The following AP3M1 variants were observed in gnomAD, a reference collection of about 807,000 sequenced individuals.
The protein encoded by AP3M1 is AP-3 complex subunit mu-1.
AP3M1 carries 29 observed loss-of-function variants against 42.6 expected under a neutral mutation model. The ratio of observed to expected loss-of-function variants is 0.68; its 90% CI spans 0.51 to 0.93. The LOEUF is 0.93. Among genes scored for constraint, AP3M1 ranks in the 40% least tolerant of loss-of-function variants. The pLI is 0.00. For synonymous variants in AP3M1, 178 were observed against 175.3 expected (o/e 1.02, Z -0.12); for missense variants, 416 against 510.2 (o/e 0.82, Z 1.78).
chr10:74,133,948 C>A lies in AP3M1; in HGVS notation c.583+79G>T, dbSNP rs1438041598. 1.7e-5 allele frequency: 26 copies of A among 1,558,992 alleles called. No homozygotes were observed. In the East Asian group the frequency reaches 5.5e-4, roughly 33 times the overall value. On this transcript the variant is annotated intron_variant, in intron 4 of 8. Coordinates refer to ENST00000355264, the MANE Select transcript of AP3M1 (RefSeq NM_012095.6). ...GATTACAGGCGTGAGCCACCGCGCC[C>A]GGCCAGGACTTCAGTTTTCTATTCA...
chr10:74,139,691 G>C (rs1224294446), intron 1 of AP3M1, among the ~76,000 whole-genome samples: 1 of 151,842 alleles, frequency 6.6e-6, no homozygotes, highest in Non-Finnish European at 1.5e-5. Flanking sequence ...GCCGAGGTGG[G>C]TGGATCACGA....
At chr10:74,139,317 A>G (rs1841052419) in intron 1 of AP3M1, among the ~76,000 whole-genome samples, 1 of 152,138 alleles carries the variant, frequency 6.6e-6, no homozygotes, top group South Asian at 2.1e-4. Context: ...CTATAGCTAT[A>G]AAATACTAAA....
chr10:74,139,713 C>T (rs1357811630), intron 1 of AP3M1, among the ~76,000 whole-genome samples: 5 of 151,554 alleles, frequency 3.3e-5, no homozygotes, highest in Non-Finnish European at 4.4e-5. Flanking sequence ...GTCAGGAGAT[C>T]GAGACCATCC....
rs779298609 is a variant in AP3M1, at chr10:74,138,385, G to A, written c.-3-3C>T. On this transcript the variant is annotated splice_region_variant and splice_polypyrimidine_tract_variant and intron_variant, in intron 1 of 8. Transcript: ENST00000355264. ...AGAAATAGACTGTGGATCATTTTCT[G>A]TTGGGGCAAAGAAAGGTTTAAATTT... 5.0e-6 allele frequency: 8 copies of A among 1,606,524 alleles called. No homozygotes were observed. In the South Asian group the frequency reaches 7.8e-5, roughly 16 times the overall value.
intron 1 of AP3M1, among the ~76,000 whole-genome samples, chr10:74,144,611 A>G (rs1000725066): frequency 1.3e-5 from 2 of 151,326 alleles, no homozygotes; most frequent in African/African-American, 4.9e-5. Flanking sequence ...ATAACCATAT[A>G]TGGTTAGTAG....
At chr10:74,133,725 T>C (rs986512121) in intron 4 of AP3M1, among the ~76,000 whole-genome samples, 1 of 151,290 alleles carries the variant, frequency 6.6e-6, no homozygotes, top group South Asian at 2.1e-4. Context: ...CATGATCTTG[T>C]CTCATTGCAA....
intron 1 of AP3M1, 32 bp from the exon 2 acceptor site, chr10:74,138,414 A>T: frequency 6.4e-7 from 1 of 1,561,216 alleles, no homozygotes; most frequent in Non-Finnish European, 8.7e-7. Context: ...TAAATTTATT[A>T]TACATTAAAT....
In AP3M1 at chr10:74,129,104, A is replaced by G. The variant is rs780501600; in HGVS notation, c.803+4T>C. On this transcript the variant is annotated splice_donor_region_variant and intron_variant, in intron 6 of 8. Coordinates refer to ENST00000355264, the MANE Select transcript of AP3M1 (RefSeq NM_012095.6). ...GGCAGATTCTGGCTGATGCATCAAC[A>G]TACTTTTGTGAGCTGACACGGTATG... 1.6e-4 allele frequency: 263 copies of G among 1,613,870 alleles called. No homozygotes were observed. Among genetic ancestry groups the G allele is most frequent in the South Asian group, 3.0e-4 (27 of 91,034 alleles).
chr10:74,129,553 T>C (rs183064599), intron 5 of AP3M1, among the ~76,000 whole-genome samples: 39 of 152,354 alleles, frequency 2.6e-4, no homozygotes, highest in African/African-American at 9.4e-4. Context: ...GTCAGTTCTC[T>C]TAATTGTTCC....
intron 1 of AP3M1, among the ~76,000 whole-genome samples, chr10:74,143,837 G>A (rs1160457753): frequency 6.6e-6 from 1 of 152,198 alleles, no homozygotes; most frequent in East Asian, 1.9e-4. Context: ...CTGTCCAACA[G>A]GGCTTTCTGC....
chr10:74,143,532 A>G (rs1411264518), intron 1 of AP3M1, among the ~76,000 whole-genome samples: 1 of 152,218 alleles, frequency 6.6e-6, no homozygotes, highest in Non-Finnish European at 1.5e-5. Flanking sequence ...TGTTTTATTC[A>G]TTAAAGATAA....
chr10:74,138,127 G>A lies in AP3M1; in HGVS notation c.253C>T (p.Arg85Ter), dbSNP rs372550482. The A allele has an allele frequency of 5.6e-6, 9 of 1,613,686 alleles. No individual in the cohort carries two copies. Among genetic ancestry groups the A allele is most frequent in the Non-Finnish European group, 7.6e-6 (9 of 1,179,898 alleles). The change falls in exon 2 of 9, where the codon CGA becomes TGA. Residue 85 changes from arginine (R) to a stop codon, truncating the protein, a stop_gained. Transcript: ENST00000355264. LOFTEE classifies it high-confidence loss of function. ...PPLFVIEFLH[R>*]VADTFQDYFG... ...CCAACCTGAAAAGTGTCAGCAACTC[G>A]ATGTAGGAACTCAATTACAAAGAGA...
chr10:74,126,214 T>G lies in AP3M1; in HGVS notation c.945A>C (p.Pro315=), dbSNP rs371611282. The change falls in exon 7 of 9, where the codon CCA becomes CCC. Residue 315 remains proline, a synonymous_variant. Coordinates refer to ENST00000355264, the MANE Select transcript of AP3M1 (RefSeq NM_012095.6). ...IEGITVTVHM[P]KVVLNMNLTP... Reference sequence around the variant, plus strand: ...TCAGGTTCATGTTCAGCACAACTTTTGGCATGTGAACTGTCACTGTAATTC... The same window carrying G: ...TCAGGTTCATGTTCAGCACAACTTTGGGCATGTGAACTGTCACTGTAATTC... 1 of 1,614,128 alleles carries G rather than the reference T, an allele frequency of 6.2e-7. No homozygotes were observed. The highest frequency in any genetic ancestry group is 1.7e-5 in the Admixed American group (1 of 60,006).
At chr10:74,126,397 A>G (rs1175682295) in intron 6 of AP3M1, 42 bp from the exon 7 acceptor site, 5 of 1,536,282 alleles carry the variant, frequency 3.3e-6, no homozygotes, top group East Asian at 2.3e-5. Flanking sequence ...CACAAACACA[A>G]TTAATGGTGT....
chr10:74,137,523 T>C (rs1319701283), intron 2 of AP3M1, among the ~76,000 whole-genome samples: 1 of 152,220 alleles, frequency 6.6e-6, no homozygotes, highest in African/African-American at 2.4e-5. Context: ...ATGAAAATCT[T>C]GAGACCATTG....
intron 1 of AP3M1, among the ~76,000 whole-genome samples, chr10:74,147,976 G>A (rs780937572): frequency 2.0e-5 from 3 of 151,968 alleles, no homozygotes; most frequent in African/African-American, 7.3e-5. Context: ...CAGCCTGGGC[G>A]ACAAGAGCAA....
intron 7 of AP3M1, among the ~76,000 whole-genome samples, chr10:74,125,187 C>G (rs901873207): frequency 6.6e-6 from 1 of 152,220 alleles, no homozygotes; most frequent in Non-Finnish European, 1.5e-5. Flanking sequence ...CCATGTTGGT[C>G]AGGCTGGTCT....
chr10:74,142,246 G>T (rs536432150), intron 1 of AP3M1, among the ~76,000 whole-genome samples: 1 of 152,164 alleles, frequency 6.6e-6, no homozygotes, highest in African/African-American at 2.4e-5. Context: ...TTAGTCTAGT[G>T]GCTCAATCAT....
At chr10:74,141,886 T>C (rs1841164696) in intron 1 of AP3M1, among the ~76,000 whole-genome samples, 1 of 151,362 alleles carries the variant, frequency 6.6e-6, no homozygotes, top group Non-Finnish European at 1.5e-5. Context: ...CTAGTTTTTT[T>C]TTTTTTTTGT....
Sources: gnomAD v4.1 joint callset for allele counts (sites outside exome capture counted in the v4.1 genomes callset) on GRCh38, gnomAD v4.1.1 for gene constraint, MANE v1.5 for transcripts, NCBI Gene and HGNC (gene_info 2026-07-23, HGNC 2026-07-21) for gene names.